Variants in CHL1 observed in about 807,000 individuals in gnomAD.
CHL1 encodes neural cell adhesion molecule L1-like protein.
CHL1 carries 96 observed loss-of-function variants against 141.9 expected under a neutral mutation model. The ratio of observed to expected loss-of-function variants is 0.68; its 90% CI spans 0.57 to 0.80. The LOEUF is 0.80. CHL1 is among the 30% of genes least tolerant of loss of function. CHL1 has a pLI of 0.00. For missense variants in CHL1, 1,820 were observed against 1,457.2 expected, an observed-to-expected ratio of 1.25 and a Z score of -4.05; for synonymous variants, 613 against 502.2, an observed-to-expected ratio of 1.22 and a Z score of -2.95.
chr3:319,908 A>G (rs1181557124), intron 3 of CHL1, 41 bp downstream of exon 3: 1 of 1,186,476 alleles, frequency 8.4e-7, no homozygotes, highest in Admixed American at 1.9e-5. Flanking sequence ...GGAATTTCAT[A>G]TTTGCATTTT....
rs60466588 is a variant in CHL1 at position 284,094 on chromosome 3, G to A, written c.-94-35589G>A. Among the ~76,000 whole-genome samples the A allele has an allele frequency of 9.0e-3, 1,373 of 152,254 alleles. 17 individuals carry two copies. The highest frequency in any genetic ancestry group is 0.031 in the African/African-American group (1,308 of 41,536). The stretch of plus-strand genomic sequence containing the variant: ...GGTAGAGGGGATACATTCGTGAAAT[G>A]TAAGTTTCTGCCCTGATGGGGCTTA... On this transcript the variant is annotated intron_variant, in intron 2 of 27. Transcript: ENST00000256509.
chr3:362,900 T>C (rs1212372977), intron 13 of CHL1, among the ~76,000 whole-genome samples: 1 of 152,206 alleles, frequency 6.6e-6, no homozygotes, highest in East Asian at 1.9e-4. Flanking sequence ...AATCATTAAC[T>C]AAAGAGTTCA....
chr3:288,504 A>C (rs185564424), intron 2 of CHL1, among the ~76,000 whole-genome samples: 7 of 152,282 alleles, frequency 4.6e-5, no homozygotes, highest in Admixed American at 4.6e-4. Context: ...TTACAGATCT[A>C]CTGTTCCTCT....
At chr3:292,873 C>T (rs1197421839) in intron 2 of CHL1, among the ~76,000 whole-genome samples, 1 of 152,178 alleles carries the variant, frequency 6.6e-6, no homozygotes, top group East Asian at 1.9e-4. Context: ...GAGGGATCTA[C>T]CCGCATCACC....
chr3:371,251 T>A (rs1575195539), intron 15 of CHL1, among the ~76,000 whole-genome samples: 1 of 152,132 alleles, frequency 6.6e-6, no homozygotes, highest in African/African-American at 2.4e-5. Context: ...TGTCTTTGTA[T>A]GTGTCTCTAA....
At chr3:370,582 G>T (rs1705504728) in intron 15 of CHL1, among the ~76,000 whole-genome samples, 1 of 149,070 alleles carries the variant, frequency 6.7e-6, no homozygotes, top group Non-Finnish European at 1.5e-5. Flanking sequence ...TTTTTGGAGG[G>T]TTTTTCATAT....
chr3:308,209 A>C (rs1045805242), intron 2 of CHL1, among the ~76,000 whole-genome samples: 1 of 152,228 alleles, frequency 6.6e-6, no homozygotes, highest in Non-Finnish European at 1.5e-5. Context: ...GTCTATATCT[A>C]TGCAGATTAT....
intron 2 of CHL1, among the ~76,000 whole-genome samples, chr3:311,826 T>G (rs1470149671): frequency 6.6e-6 from 1 of 152,162 alleles, no homozygotes; most frequent in African/African-American, 2.4e-5. Flanking sequence ...ATTTGAAAAA[T>G]AGTCCCTACA....
At chr3:386,279 G>T (rs534545418) in intron 19 of CHL1, among the ~76,000 whole-genome samples, 2 of 150,658 alleles carry the variant, frequency 1.3e-5, no homozygotes, top group Non-Finnish European at 1.5e-5. Context: ...GAACAGACTG[G>T]ACATCCCTAA....
intron 4 of CHL1, 116 bp downstream of exon 4, chr3:326,180 G>A: frequency 7.0e-6 from 4 of 572,644 alleles, no homozygotes; most frequent in South Asian, 7.6e-5. Context: ...TTAAAGCTAA[G>A]GGTTTACAAA....
rs148999190 is a variant in CHL1, at chr3:368,215, C to G, written c.1751+2100C>G. Among the ~76,000 whole-genome samples the G allele has an allele frequency of 1.9e-3, 294 of 152,312 alleles. 2 individuals carry two copies. The highest frequency in any genetic ancestry group is 6.7e-3 in the African/African-American group (279 of 41,578). On this transcript the variant is annotated intron_variant, in intron 15 of 27. Transcript: ENST00000256509. ...TTGAACTAATTTACATTCCCACCAA[C>G]AGTGTAAAAGTGTTCCTTTTTCTCT...
At chr3:283,099 A>C (rs541109105) in intron 2 of CHL1, among the ~76,000 whole-genome samples, 4 of 152,196 alleles carry the variant, frequency 2.6e-5, no homozygotes, top group Non-Finnish European at 5.9e-5. Context: ...CTCTCACTTG[A>C]CACAGGGATC....
At chr3:300,722 T>C (rs331880) in intron 2 of CHL1, among the ~76,000 whole-genome samples, 142,499 of 152,104 alleles carry the variant, frequency 0.94, 66,901 homozygotes, top group East Asian at 1. Flanking sequence ...ATGTATAATT[T>C]GAAACTGAGA....
chr3:226,424 A>G (rs1401583853), intron 1 of CHL1, among the ~76,000 whole-genome samples: 1 of 147,252 alleles, frequency 6.8e-6, no homozygotes, highest in Non-Finnish European at 1.5e-5. Flanking sequence ...ACACACATAT[A>G]TATTTTTTAA....
At chr3:260,776 A>C (rs1327145009) in intron 2 of CHL1, among the ~76,000 whole-genome samples, 1 of 152,244 alleles carries the variant, frequency 6.6e-6, no homozygotes, top group Non-Finnish European at 1.5e-5. Flanking sequence ...ATTTCCCTAT[A>C]AACTTCATTA....
intron 14 of CHL1, among the ~76,000 whole-genome samples, chr3:364,920 T>C (rs1393231362): frequency 6.6e-6 from 1 of 152,218 alleles, no homozygotes; most frequent in Non-Finnish European, 1.5e-5. Flanking sequence ...GAGAAGTGTT[T>C]ATTAAATTGT....
chr3:347,083 C>T (rs185365750), intron 9 of CHL1, among the ~76,000 whole-genome samples: 37 of 152,102 alleles, frequency 2.4e-4, no homozygotes, highest in Admixed American at 1.8e-3. Flanking sequence ...GGGATATTTA[C>T]CAACAGTATC....
intron 24 of CHL1, among the ~76,000 whole-genome samples, chr3:395,968 G>T (rs1353434084): frequency 6.6e-6 from 1 of 152,148 alleles, no homozygotes; most frequent in Non-Finnish European, 1.5e-5. Flanking sequence ...TGTGTGAATG[G>T]TTATGCTCTG....
rs1296062545 is a variant in CHL1, at chr3:197,008, G to A, written c.-230G>A. The A allele has an allele frequency of 1.3e-5, 2 of 152,242 alleles. No homozygotes were observed. Among genetic ancestry groups the A allele is most frequent in the African/African-American group, 4.8e-5 (2 of 41,450 alleles). The allele number at this position is 152,242 out of a possible 1,614,324, so 9.4% of individuals were successfully genotyped here. ...CCGTCCCGGCTCCCGGCCGGCTCGG[G>A]GGAGAAGGCGCCCGAGGGGAGGCGC... On this transcript the variant is annotated 5_prime_UTR_variant, in exon 1 of 28. Transcript: ENST00000256509.
Sources: gnomAD v4.1 joint callset for allele counts (sites outside exome capture counted in the v4.1 genomes callset) on GRCh38, gnomAD v4.1.1 for gene constraint, MANE v1.5 for transcripts, NCBI Gene and HGNC (gene_info 2026-07-23, HGNC 2026-07-21) for gene names.